MUC12: variants seen among roughly 807,000 people sequenced by gnomAD.
MUC12 encodes mucin 12, cell surface associated.
Under a neutral mutation model 230.8 loss-of-function variants are expected in MUC12, and 172 were observed. That is an observed-to-expected ratio of 0.75 (90% CI 0.66 to 0.85). The LOEUF (loss-of-function observed/expected upper bound fraction) is 0.85. MUC12 is among the 40% of genes least tolerant of loss of function. MUC12 has a pLI of 0.00. For missense variants in MUC12, 3,506 were observed against 5,920.6 expected, an observed-to-expected ratio of 0.59 and a Z score of 13.38; for synonymous variants, 1,259 against 2,401.9, an observed-to-expected ratio of 0.52 and a Z score of 13.91.
rs1264221733 is a variant in MUC12 at position 101,004,870 on chromosome 7, G to C, written c.14307G>C (p.Leu4769Phe). 1.3e-6 allele frequency: 2 copies of C among 1,536,742 alleles called. No homozygotes were observed. Among genetic ancestry groups the C allele is most frequent in the African/African-American group, 1.4e-5 (1 of 72,842 alleles). Residue 4769 changes from leucine to phenylalanine, a missense_variant, in exon 2 of 12, where the codon TTG becomes TTC. Coordinates refer to ENST00000536621, the MANE Select transcript of MUC12 (RefSeq NM_001164462.2). ...GCATCAGTGGAGAACCCACCAGCTT[G>C]TATAGCCAAGCAGAGTCAACACACA... The part of the protein sequence containing the change: ...SSSISGEPTS[L>F]YSQAESTHTT...
rs759864558 is a variant in MUC12 at position 100,991,832 on chromosome 7, C to A, written c.1269C>A (p.His423Gln). The A allele has an allele frequency of 4.6e-5, 71 of 1,537,662 alleles. No individual in the cohort carries two copies. The highest frequency in any genetic ancestry group is 1.8e-4 in the Admixed American group (9 of 51,006). ...HSSLGSTETTHFRDSSTISGR... is the reference protein window; with the variant it reads ...HSSLGSTETTQFRDSSTISGR... ...GCCTGGGCTCAACTGAAACAACACA[C>A]TTCCGTGATAGCTCCACAATCTCAG... Residue 423 changes from histidine (H) to glutamine (Q), a missense_variant, in exon 2 of 12, where the codon CAC becomes CAA. By Grantham distance (24) the His-to-Gln change is conservative (BLOSUM62 0). Transcript: ENST00000536621.
chr7:101,009,987 A>G (rs1383242256), intron 5 of MUC12, among the ~76,000 whole-genome samples: 2 of 152,162 alleles, frequency 1.3e-5, no homozygotes, highest in Non-Finnish European at 2.9e-5. Context: ...GTCTGGCTGT[A>G]GGGTAGAGAT....
At position 101,004,686 on chromosome 7, in the gene MUC12, T is replaced by C. The variant is rs1035237001; in HGVS notation, c.14123T>C (p.Ile4708Thr). The C allele has an allele frequency of 2.0e-5, 30 of 1,537,710 alleles. No individual in the cohort carries two copies. In the African/African-American group the frequency reaches 3.4e-4, roughly 18 times the overall value. ...LPAHFTTSGR[I>T]AESTTFYISP... ...GCCCATTTTACTACCTCAGGCCGCATTGCAGAATCTACCACCTTCTATATC... is the reference window on the plus strand; with the variant it reads ...GCCCATTTTACTACCTCAGGCCGCACTGCAGAATCTACCACCTTCTATATC... The change falls in exon 2 of 12, where the codon ATT (isoleucine) becomes ACT (threonine). Residue 4708 changes from isoleucine to threonine, a missense_variant. Physicochemically the swap from Ile to Thr is moderately conservative, Grantham distance 89. Coordinates refer to ENST00000536621, the MANE Select transcript of MUC12 (RefSeq NM_001164462.2).
chr7:101,012,434 T>G lies in MUC12; in HGVS notation c.15390T>G (p.Pro5130=). The G allele has an allele frequency of 1.3e-6, 2 of 1,537,920 alleles. No individual in the cohort carries two copies. Among genetic ancestry groups the G allele is most frequent in the Non-Finnish European group, 1.7e-6 (2 of 1,147,044 alleles). The change falls in exon 6 of 12, where the codon CCT becomes CCG. Residue 5130 remains proline, a synonymous_variant. Transcript: ENST00000536621. ...AAACTAGAACAACTCTTCTTGATCC[T>G]GATTCCTGCAGAAGTAAGCTCACCT... ...MNETRTTLLD[P]DSCRKAILCY...
At chr7:100,969,772 C>G in intron 1 of MUC12, 83 bp downstream of exon 1, 1 of 1,524,634 alleles carries the variant, frequency 6.6e-7, no homozygotes, top group Non-Finnish European at 8.8e-7. Flanking sequence ...AGCAGGGCTG[C>G]AGGTGGCCTC....
rs112370496 is a variant in MUC12 at position 101,012,156 on chromosome 7, G to A, written c.15252-140G>A. The A allele has an allele frequency of 6.7e-4, 565 of 848,204 alleles. 1 individual carries two copies. The African/African-American group carries it at 8.5e-3, about 13-fold the overall frequency. 52.5% of individuals were successfully genotyped at this position (848,204 alleles called of 1,614,324 possible). A position where few individuals can be genotyped will look rare whatever the true frequency, so the allele number is the denominator to read the frequency against. On this transcript the variant is annotated intron_variant, in intron 5 of 11. Coordinates refer to ENST00000536621, the MANE Select transcript of MUC12 (RefSeq NM_001164462.2). ...CCTCCCTCTGTCTGGGTGGTTAGCT[G>A]CTGGAGGGAAGACTCTGTATTCTTT... is the stretch of plus-strand genomic sequence containing the variant.
rs775561253 is a variant in MUC12, at chr7:100,990,819, A to G, written c.256A>G (p.Ser86Gly). Residue 86 changes from serine (S) to glycine (G), a missense_variant, in exon 2 of 12, where the codon AGC (serine) becomes GGC (glycine). Transcript: ENST00000536621. ...CAGTGAGGAATCAACAGTATCCCAC[A>G]GCGGCCCAGGTGCAACTGGAACAAC... is the stretch of plus-strand genomic sequence containing the variant. Reference protein sequence around the residue: ...GHSEESTVSHSGPGATGTTLF... With the variant: ...GHSEESTVSHGGPGATGTTLF... The G allele has an allele frequency of 4.6e-6, 7 of 1,537,738 alleles. No homozygotes were observed. Among genetic ancestry groups the G allele is most frequent in the Non-Finnish European group, 8.7e-7 (1 of 1,147,052 alleles).
rs1793268889 is a variant in MUC12 at position 100,990,752 on chromosome 7, T to G, written c.189T>G (p.Thr63=). The G allele has an allele frequency of 6.5e-7, 1 of 1,537,740 alleles. No homozygotes were observed. The highest frequency in any genetic ancestry group is 8.7e-7 in the Non-Finnish European group (1 of 1,147,058). ...CAGTCACATTTATCACGGGCTCAAC[T>G]GCAACAAAACACTTCCTTGACAGCT... ...GVSVTFITGS[T]ATKHFLDSST... Residue 63 remains threonine, a synonymous_variant, in exon 2 of 12, where the codon ACT becomes ACG. Transcript: ENST00000536621.
rs769974546 is a variant in MUC12, at chr7:101,018,750, C to G, written c.*114C>G. On this transcript the variant is annotated 3_prime_UTR_variant, in exon 12 of 12. Coordinates refer to ENST00000536621, the MANE Select transcript of MUC12 (RefSeq NM_001164462.2). ...GGAGACCGAAGTCAGGCCCTGAAGC[C>G]GGTCCTGCTCTGAGCTGACAGACTT... 14 of 1,093,860 alleles carry G rather than the reference C, an allele frequency of 1.3e-5. No individual in the cohort carries two copies. In the South Asian group the frequency reaches 1.3e-4, roughly 10 times the overall value. 67.8% of individuals were successfully genotyped at this position (1,093,860 alleles called of 1,614,324 possible). A position where few individuals can be genotyped will look rare whatever the true frequency, so the allele number is the denominator to read the frequency against.
intron 5 of MUC12, among the ~76,000 whole-genome samples, chr7:101,012,071 T>A (rs1029017967): frequency 3.9e-5 from 6 of 152,200 alleles, no homozygotes; most frequent in African/African-American, 7.2e-5. Flanking sequence ...GAGAGATGAA[T>A]TTCACTCATT....
At position 100,991,419 on chromosome 7, in the gene MUC12, G is replaced by C. The variant is rs202009257; in HGVS notation, c.856G>C (p.Asp286His). 7,782 of 1,537,752 alleles carry C rather than the reference G, an allele frequency of 5.1e-3. 32 individuals are homozygous for C. Among genetic ancestry groups the C allele is most frequent in the Non-Finnish European group, 5.8e-3 (6,646 of 1,147,044 alleles). Reference protein sequence around the residue: ...TTFQSWPSSKDTSPAPSGTTS... With the variant: ...TTFQSWPSSKHTSPAPSGTTS... ...CTTCCAGAGCTGGCCAAGCTCAAAG[G>C]ACACTTCGCCTGCACCTTCTGGTAC... The change falls in exon 2 of 12, where the codon GAC (aspartate) becomes CAC (histidine). Residue 286 changes from aspartate (D) to histidine (H), a missense_variant. Physicochemically the swap from Asp to His is moderately conservative, Grantham distance 81 (BLOSUM62 -1). Transcript: ENST00000536621.
rs753299892 is a variant in MUC12 at position 100,992,032 on chromosome 7, G to T, written c.1469G>T (p.Ser490Ile). ...GGCAGTACCACAAAACCAGGCCTCA[G>T]TGAGAAATCTACCACTTTCTACAGT... ...LPGSTTKPGL[S>I]EKSTTFYSSP... The change falls in exon 2 of 12, where the codon AGT (serine) becomes ATT (isoleucine). Residue 490 changes from serine (S) to isoleucine (I), a missense_variant. By Grantham distance (142) the Ser-to-Ile change is moderately radical. Coordinates refer to ENST00000536621, the MANE Select transcript of MUC12 (RefSeq NM_001164462.2). The T allele has an allele frequency of 3.9e-6, 6 of 1,537,984 alleles. No homozygotes were observed. In the South Asian group the frequency reaches 5.9e-5, roughly 15 times the overall value.
chr7:100,975,188 AC>A (rs1793003637), intron 1 of MUC12, among the ~76,000 whole-genome samples: 2 of 152,272 alleles, frequency 1.3e-5, no homozygotes, highest in Non-Finnish European at 2.9e-5. Context: ...CCAGGGATCC[AC>A]ACGATGACTG....
chr7:100,988,451 C>A (rs1383023097), intron 1 of MUC12, among the ~76,000 whole-genome samples: 1 of 152,132 alleles, frequency 6.6e-6, no homozygotes, highest in Non-Finnish European at 1.5e-5. Context: ...CAAACACCAG[C>A]ACCATCCTTC....
chr7:100,977,859 T>A (rs1353592086), intron 1 of MUC12, among the ~76,000 whole-genome samples: 1 of 152,134 alleles, frequency 6.6e-6, no homozygotes, highest in African/African-American at 2.4e-5. Context: ...TGAGCCACCG[T>A]GCCTGGCCAG....
In MUC12 at chr7:100,995,641, C is replaced by A; in HGVS notation, c.5078C>A (p.Pro1693Gln). The change falls in exon 2 of 12, where the codon CCA (proline) becomes CAA (glutamine). Residue 1693 changes from proline to glutamine, a missense_variant. Transcript: ENST00000536621. The part of the protein sequence containing the change: ...QGESTTFQSW[P>Q]SSKDTMPAPP... Reference sequence around the variant, plus strand: ...GAATCTACCACCTTCCAGAGCTGGCCAAGCTCAAAGGACACTATGCCTGCA... The same window carrying A: ...GAATCTACCACCTTCCAGAGCTGGCAAAGCTCAAAGGACACTATGCCTGCA... 7 of 1,537,090 alleles carry A rather than the reference C, an allele frequency of 4.6e-6. No homozygotes were observed. Among genetic ancestry groups the A allele is most frequent in the Non-Finnish European group, 6.1e-6 (7 of 1,147,060 alleles).
rs923284121 is a variant in MUC12 at position 100,990,637 on chromosome 7, C to T, written c.74C>T (p.Thr25Ile). ...ASVTTVTPGS[T>I]VNTSIGGNTT... ...GGTTTCTCTCAAATCACAGGCTCAA[C>T]AGTAAACACCAGTATTGGAGGTAAT... Residue 25 changes from threonine (T) to isoleucine (I), a missense_variant, in exon 2 of 12, where the codon ACA (threonine) becomes ATA (isoleucine). Coordinates refer to ENST00000536621, the MANE Select transcript of MUC12 (RefSeq NM_001164462.2). 5.2e-6 allele frequency: 8 copies of T among 1,537,452 alleles called. No homozygotes were observed. The highest frequency in any genetic ancestry group is 7.0e-6 in the Non-Finnish European group (8 of 1,146,948).
At chr7:100,984,194 CAA>C (rs1793152552) in intron 1 of MUC12, among the ~76,000 whole-genome samples, 1 of 151,602 alleles carries the variant, frequency 6.6e-6, no homozygotes, top group Non-Finnish European at 1.5e-5. Context: ...ATTACACTCT[CAA>C]AGAGGGGAGA....
At chr7:100,990,548 G>A (rs538397326) in intron 1 of MUC12, 83 bp from the exon 2 acceptor site, 37 of 1,493,668 alleles carry the variant, frequency 2.5e-5, no homozygotes, top group Middle Eastern at 1.7e-4. Flanking sequence ...CTTCCAGCCC[G>A]GATGTGTCAG....
Sources: gnomAD v4.1 joint callset for allele counts (sites outside exome capture counted in the v4.1 genomes callset) on GRCh38, gnomAD v4.1.1 for gene constraint, MANE v1.5 for transcripts, NCBI Gene and HGNC (gene_info 2026-07-23, HGNC 2026-07-21) for gene names.